The following CEP126 variants were observed in gnomAD, a reference collection of about 807,000 sequenced individuals.
CEP126 encodes centrosomal protein 126.
A neutral mutation model predicts 107.8 loss-of-function variants in CEP126; 74 were observed. That is an observed-to-expected ratio of 0.69 (90% CI 0.57 to 0.83). The LOEUF (loss-of-function observed/expected upper bound fraction) is 0.83. Among genes scored for constraint, CEP126 ranks in the 40% least tolerant of loss-of-function variants. The pLI, the probability that CEP126 is intolerant of heterozygous loss-of-function variation, is 0.00. For missense variants in CEP126, 1,237 were observed against 1,281.9 expected (o/e 0.96, Z 0.53); for synonymous variants, 449 against 446.0 (o/e 1.01, Z -0.08).
chr11:101,962,669 C>T lies in CEP126; in HGVS notation c.1634C>T (p.Ser545Phe), dbSNP rs756185753. 6 of 1,613,128 alleles carry T rather than the reference C, an allele frequency of 3.7e-6. No homozygotes were observed. The South Asian group carries it at 6.6e-5, about 18-fold the overall frequency. Residue 545 changes from serine (S) to phenylalanine (F), a missense_variant, in exon 6 of 11, where the codon TCC becomes TTC. Physicochemically the swap from Ser to Phe is radical, Grantham distance 155 (BLOSUM62 -2). Coordinates refer to ENST00000263468, the MANE Select transcript of CEP126 (RefSeq NM_020802.4). ...DEKQKLAETS[S>F]LSNVTSNYDF... The stretch of plus-strand genomic sequence containing the variant: ...AAACAAAAATTAGCTGAAACATCAT[C>T]CTTGTCTAATGTAACTTCTAATTAT...
Position 101,951,550 on chromosome 11 carries a change from A to G in CEP126, c.506+3408A>G, listed in dbSNP as rs1940813010. On this transcript the variant is annotated intron_variant, in intron 4 of 10. Transcript: ENST00000263468. Reference sequence around the variant, plus strand: ...GAAGGAGAAGGAAAAAGAAAAGAACAAGAAGATGAGGAAGAGGAGGAGAAA... The same window carrying G: ...GAAGGAGAAGGAAAAAGAAAAGAACGAGAAGATGAGGAAGAGGAGGAGAAA... 2.0e-5 allele frequency among the ~76,000 whole-genome samples: 3 copies of G among 152,166 alleles called. No individual in the cohort carries two copies. The East Asian group carries it at 5.8e-4, about 29-fold the overall frequency.
At chr11:101,978,101 G>T (rs1310831075) in intron 6 of CEP126, among the ~76,000 whole-genome samples, 2 of 152,286 alleles carry the variant, frequency 1.3e-5, no homozygotes, top group Admixed American at 6.5e-5. Context: ...CTGGTGTTCT[G>T]TGTCATGCTC....
In CEP126 at chr11:101,956,572, C is replaced by T. The variant is rs538518142; in HGVS notation, c.507-1596C>T. The T allele has an allele frequency of 1.3e-5, 6 of 456,408 alleles. No homozygotes were observed. In the East Asian group the frequency reaches 4.2e-4, roughly 32 times the overall value. The allele number at this position is 456,408 out of a possible 1,614,324, so 28.3% of individuals were successfully genotyped here. A position where few individuals can be genotyped will look rare whatever the true frequency, so the allele number is the denominator to read the frequency against. On this transcript the variant is annotated intron_variant, in intron 4 of 10. Transcript: ENST00000263468. ...CTACTTCCACATCCTTTTCTTCAGC[C>T]TGTATACTGTTTTCTTCCTCCTCAT...
At chr11:101,956,315 T>C (rs1318674230) in intron 4 of CEP126, 4 of 456,214 alleles carry the variant, frequency 8.8e-6, no homozygotes, top group Non-Finnish European at 1.8e-5. Flanking sequence ...TTTGAAGCCT[T>C]CCTGTTTATC....
At chr11:101,948,853 A>T (rs1940774279) in intron 4 of CEP126, among the ~76,000 whole-genome samples, 2 of 152,220 alleles carry the variant, frequency 1.3e-5, no homozygotes, top group Admixed American at 6.5e-5. Flanking sequence ...GCAATAATAT[A>T]TAAAATTCAT....
intron 9 of CEP126, among the ~76,000 whole-genome samples, chr11:101,988,573 C>A (rs1465313549): frequency 6.6e-6 from 1 of 151,920 alleles, no homozygotes; most frequent in Non-Finnish European, 1.5e-5. Context: ...GATACATCCA[C>A]AATGAATGTT....
intron 2 of CEP126, among the ~76,000 whole-genome samples, chr11:101,931,071 T>C (rs976735): frequency 0.47 from 72,018 of 151,872 alleles, 17,450 homozygotes; most frequent in East Asian, 0.78. Flanking sequence ...CCTACTAAAT[T>C]GAGGGATTTT....
chr11:101,922,868 T>G (rs1474668420), intron 2 of CEP126, 108 bp downstream of exon 2: 18 of 813,658 alleles, frequency 2.2e-5, no homozygotes, highest in Non-Finnish European at 3.2e-5. Context: ...CAGTGTTATC[T>G]GTGAAACATT....
At chr11:101,922,599 T>A (rs1208930359) in intron 1 of CEP126, 42 bp from the exon 2 acceptor site, 1 of 1,506,658 alleles carries the variant, frequency 6.6e-7, no homozygotes, top group Middle Eastern at 1.7e-4. Flanking sequence ...AGTCATCCAC[T>A]AAAGATGTAG....
chr11:101,977,711 T>G (rs1941208575), intron 6 of CEP126, among the ~76,000 whole-genome samples: 1 of 150,288 alleles, frequency 6.7e-6, no homozygotes, highest in African/African-American at 2.5e-5. Flanking sequence ...ATAATAAATA[T>G]CAAAGATATA....
At chr11:101,949,097 G>A (rs138119140) in intron 4 of CEP126, among the ~76,000 whole-genome samples, 9 of 152,266 alleles carry the variant, frequency 5.9e-5, no homozygotes, top group Admixed American at 5.2e-4. Flanking sequence ...TGAGTGGATG[G>A]CATTTTAGAC....
chr11:101,928,956 T>C (rs762620268), intron 2 of CEP126, among the ~76,000 whole-genome samples: 5 of 152,228 alleles, frequency 3.3e-5, no homozygotes. Flanking sequence ...ATTATACCTG[T>C]ATATCAATGT....
At chr11:101,992,564 A>G (rs549867116) in intron 9 of CEP126, among the ~76,000 whole-genome samples, 4 of 152,150 alleles carry the variant, frequency 2.6e-5, no homozygotes, top group Admixed American at 6.5e-5. Flanking sequence ...TCTTTTATCA[A>G]CATAAGCTTT....
intron 5 of CEP126, among the ~76,000 whole-genome samples, chr11:101,959,930 TA>T (rs1222280682): frequency 6.6e-6 from 1 of 152,174 alleles, no homozygotes; most frequent in Non-Finnish European, 1.5e-5. Context: ...CACATTTAAT[TA>T]AAAATAAAAT....
Position 101,952,295 on chromosome 11 carries a change from G to C in CEP126, c.506+4153G>C, listed in dbSNP as rs142851862. The stretch of plus-strand genomic sequence containing the variant: ...CGTGAGTTAGATCATGAAGAGCCTC[G>C]GTAAGGAGTTTGTTTTAAAAACAAT... On this transcript the variant is annotated intron_variant, in intron 4 of 10. Coordinates refer to ENST00000263468, the MANE Select transcript of CEP126 (RefSeq NM_020802.4). Among the ~76,000 whole-genome samples, 325 of 152,186 alleles carry C rather than the reference G, an allele frequency of 2.1e-3. 2 individuals carry two copies. The highest frequency in any genetic ancestry group is 7.5e-3 in the African/African-American group (311 of 41,540).
At chr11:101,943,964 A>G (rs1940701735) in intron 2 of CEP126, among the ~76,000 whole-genome samples, 2 of 152,120 alleles carry the variant, frequency 1.3e-5, no homozygotes, top group Admixed American at 1.3e-4. Flanking sequence ...TTCCTTAGAA[A>G]AGGCTTTTTC....
Position 101,944,313 on chromosome 11 carries a change from T to G in CEP126, c.297T>G (p.Ile99Met), listed in dbSNP as rs770059674. ...RKEQEEKEHQ[I>M]REQILQQRKQ... ...AACAGGAAGAAAAAGAACACCAAATTAGAGAACAAATACTTCAACAAAGAA... is the reference window on the plus strand; with the variant it reads ...AACAGGAAGAAAAAGAACACCAAATGAGAGAACAAATACTTCAACAAAGAA... Residue 99 changes from isoleucine to methionine, a missense_variant, in exon 3 of 11, where the codon ATT becomes ATG. Physicochemically the swap from Ile to Met is conservative, Grantham distance 10 (BLOSUM62 1). Transcript: ENST00000263468. The G allele has an allele frequency of 6.2e-7, 1 of 1,610,280 alleles. No individual in the cohort carries two copies. The highest frequency in any genetic ancestry group is 1.1e-5 in the South Asian group (1 of 89,900).
chr11:101,921,011 CG>C (rs1940317998), intron 1 of CEP126, among the ~76,000 whole-genome samples: 1 of 152,088 alleles, frequency 6.6e-6, no homozygotes. Context: ...TCAATTAAAA[CG>C]CAACTAAATA....
intron 2 of CEP126, 31 bp from the exon 3 acceptor site, chr11:101,944,234 T>A: frequency 6.6e-7 from 1 of 1,519,202 alleles, no homozygotes. Flanking sequence ...TACCACCTAT[T>A]TCTGTTGCCT....
Sources: allele counts gnomAD v4.1 joint callset (sites outside exome capture counted in the v4.1 genomes callset), GRCh38; gene constraint gnomAD v4.1.1; transcripts MANE v1.5; gene names NCBI Gene and HGNC (gene_info 2026-07-23, HGNC 2026-07-21).